The following GPR39 variants were observed in gnomAD, a reference collection of about 807,000 sequenced individuals.
GPR39 encodes G protein-coupled receptor 39.
In GPR39, 23 loss-of-function variants were observed where a neutral mutation model predicts 18.4. The ratio of observed to expected loss-of-function variants is 1.25; its 90% confidence interval spans 0.90 to 1.77. GPR39 has a LOEUF of 1.77. GPR39 is among the 40% of genes most tolerant of loss of function. The pLI is 0.00. For missense variants in GPR39, 647 were observed against 602.4 expected, an observed-to-expected ratio of 1.07 and a Z score of -0.78; for synonymous variants, 280 against 257.9, an observed-to-expected ratio of 1.09 and a Z score of -0.82.
chr2:132,617,773 T>C (rs2104856405), intron 1 of GPR39, among the ~76,000 whole-genome samples: 1 of 152,354 alleles, frequency 6.6e-6, no homozygotes, highest in East Asian at 1.9e-4. Flanking sequence ...AAGTTTTGAA[T>C]GCAGACAGAT....
intron 1 of GPR39, among the ~76,000 whole-genome samples, chr2:132,471,502 T>C (rs1375536238): frequency 6.6e-6 from 1 of 152,008 alleles, no homozygotes; most frequent in East Asian, 1.9e-4. Flanking sequence ...AAATATTTCA[T>C]AGGGGTGGTG....
At chr2:132,580,819 G>A (rs900955612) in intron 1 of GPR39, among the ~76,000 whole-genome samples, 7 of 148,018 alleles carry the variant, frequency 4.7e-5, no homozygotes, top group Non-Finnish European at 7.4e-5. Flanking sequence ...AAAATTTGCC[G>A]GGTGTGGTGG....
intron 1 of GPR39, among the ~76,000 whole-genome samples, chr2:132,501,054 G>GTTTTTTTT (rs55720929): frequency 3.3e-5 from 3 of 90,294 alleles, no homozygotes; most frequent in African/African-American, 8.2e-5. Flanking sequence ...TATCTTTTGT[G>GTTTTTTTT]TTTTTTTTTT....
chr2:132,429,104 C>T (rs1680178924), intron 1 of GPR39, among the ~76,000 whole-genome samples: 1 of 152,130 alleles, frequency 6.6e-6, no homozygotes, highest in East Asian at 1.9e-4. Flanking sequence ...AAAGGGCTGG[C>T]CTTTATATTT....
intron 1 of GPR39, among the ~76,000 whole-genome samples, chr2:132,609,634 T>A (rs570397632): frequency 6.6e-6 from 1 of 152,300 alleles, no homozygotes; most frequent in African/African-American, 2.4e-5. Context: ...TCTGGGCTTC[T>A]CATTGTGAGT....
At chr2:132,563,215 A>G (rs916485930) in intron 1 of GPR39, among the ~76,000 whole-genome samples, 2 of 152,230 alleles carry the variant, frequency 1.3e-5, no homozygotes, top group African/African-American at 2.4e-5. Context: ...CAAACAGATC[A>G]GCTATTGAGA....
At chr2:132,440,766 A>AATT (rs1680422437) in intron 1 of GPR39, among the ~76,000 whole-genome samples, 2 of 152,230 alleles carry the variant, frequency 1.3e-5, no homozygotes, top group Non-Finnish European at 2.9e-5. Flanking sequence ...TAATAATAAT[A>AATT]ATGGCAAAAT....
At chr2:132,553,737 G>T (rs1419837855) in intron 1 of GPR39, among the ~76,000 whole-genome samples, 1 of 152,092 alleles carries the variant, frequency 6.6e-6, no homozygotes, top group Non-Finnish European at 1.5e-5. Context: ...CTTAGCTCAG[G>T]TTCCCAGGCC....
intron 1 of GPR39, among the ~76,000 whole-genome samples, chr2:132,493,829 C>T (rs1681582091): frequency 6.6e-6 from 1 of 151,928 alleles, no homozygotes; most frequent in South Asian, 2.1e-4. Flanking sequence ...GAGTCATTTG[C>T]AGAGACCTAG....
chr2:132,610,517 C>G (rs1573696838), intron 1 of GPR39, among the ~76,000 whole-genome samples: 3 of 152,236 alleles, frequency 2.0e-5, no homozygotes, highest in South Asian at 4.1e-4. Context: ...TGGCTCACAT[C>G]TGTAATCTTA....
chr2:132,576,623 A>G (rs1680531493), intron 1 of GPR39, among the ~76,000 whole-genome samples: 1 of 152,320 alleles, frequency 6.6e-6, no homozygotes, highest in Middle Eastern at 3.4e-3. Context: ...ACTGCACTTC[A>G]GCCTGGGCAA....
rs770263288 is a variant in GPR39 at position 132,646,411 on chromosome 2, A to G, written c.*805A>G. ...GCCCAGAGACTAGGTGAGGTCAGGG[A>G]AGTGCTTCGGATTGTCTCATTGATA... On this transcript the variant is annotated 3_prime_UTR_variant, in exon 2 of 2. Transcript: ENST00000329321. The G allele has an allele frequency of 9.6e-5, 46 of 479,230 alleles. 2 individuals carry two copies. The highest frequency in any genetic ancestry group is 1.4e-4 in the Non-Finnish European group (40 of 281,024). The allele number at this position is 479,230 out of a possible 1,614,324, so 29.7% of individuals were successfully genotyped here.
In GPR39 at chr2:132,489,312, G is replaced by T. The variant is rs138455187; in HGVS notation, c.856+71414G>T. Among the ~76,000 whole-genome samples the T allele has an allele frequency of 5.2e-3, 789 of 152,198 alleles. 25 individuals carry two copies. Among genetic ancestry groups the T allele is most frequent in the African/African-American group, 0.018 (757 of 41,434 alleles). ...GGCAGGCGCCGGCGCTGTCCGTGGT[G>T]CTGGGCTTGGTGCCGGCAGCACCGA... On this transcript the variant is annotated intron_variant, in intron 1 of 1. Coordinates refer to ENST00000329321, the MANE Select transcript of GPR39 (RefSeq NM_001508.3).
chr2:132,610,793 AAAAAAGAAGAAG>A (rs1437771424), intron 1 of GPR39, among the ~76,000 whole-genome samples: 2 of 151,654 alleles, frequency 1.3e-5, no homozygotes, highest in Admixed American at 1.3e-4. Flanking sequence ...AAAAAAAAAA[AAAAAAGAAGAAG>A]AAATCTAGGA....
At chr2:132,560,848 T>G (rs1057338022) in intron 1 of GPR39, among the ~76,000 whole-genome samples, 9 of 152,194 alleles carry the variant, frequency 5.9e-5, no homozygotes, top group Non-Finnish European at 1.2e-4. Context: ...TTTGCCCATC[T>G]TTCTGTCTAT....
intron 1 of GPR39, among the ~76,000 whole-genome samples, chr2:132,420,254 G>A (rs1292540225): frequency 1.3e-5 from 2 of 152,132 alleles, no homozygotes; most frequent in Non-Finnish European, 2.9e-5. Flanking sequence ...TTTTCTCTGC[G>A]GTAGGTTTTC....
chr2:132,643,956 G>T (rs955563793), intron 1 of GPR39, among the ~76,000 whole-genome samples: 1 of 152,200 alleles, frequency 6.6e-6, no homozygotes, highest in African/African-American at 2.4e-5. Flanking sequence ...TGAAATGTAG[G>T]AGAGGAAGGA....
At chr2:132,571,737 G>A (rs1488439098) in intron 1 of GPR39, among the ~76,000 whole-genome samples, 5 of 152,114 alleles carry the variant, frequency 3.3e-5, no homozygotes, top group Non-Finnish European at 5.9e-5. Context: ...AAGATCATGG[G>A]CCTGGCTTTC....
At chr2:132,583,321 C>T (rs1045109059) in intron 1 of GPR39, among the ~76,000 whole-genome samples, 2 of 151,396 alleles carry the variant, frequency 1.3e-5, no homozygotes, top group Non-Finnish European at 2.9e-5. Context: ...AGCTGCTAGA[C>T]ATTTCTGTTA....
Sources: allele counts gnomAD v4.1 joint callset (sites outside exome capture counted in the v4.1 genomes callset), GRCh38; gene constraint gnomAD v4.1.1; transcripts MANE v1.5; gene names NCBI Gene and HGNC (gene_info 2026-07-23, HGNC 2026-07-21).